GAD1: variants seen among roughly 807,000 people sequenced by gnomAD.
GAD1 encodes the protein glutamate decarboxylase 1.
In GAD1, 35 loss-of-function variants were observed where a neutral mutation model predicts 75.2. The observed-to-expected ratio is 0.47, with a 90% CI of 0.36 to 0.62. The LOEUF (loss-of-function observed/expected upper bound fraction) is 0.62, where lower values mean the gene tolerates loss of function less well. Among genes scored for constraint, GAD1 ranks in the 20% least tolerant of loss-of-function variants. The pLI, the probability that GAD1 is intolerant of heterozygous loss-of-function variation, is 0.00. For synonymous variants in GAD1, 257 were observed against 271.9 expected (o/e 0.95, Z 0.54); for missense variants, 490 against 758.5 (o/e 0.65, Z 4.16).
chr2:170,815,000 C>A (rs1273821081), upstream of GAD1, among the ~76,000 whole-genome samples: 4 of 152,128 alleles, frequency 2.6e-5, no homozygotes, highest in African/African-American at 7.2e-5. Flanking sequence ...GAACGAGGGG[C>A]ACCGGGAGAT....
At chr2:170,821,822 CG>C (rs1234307946) in intron 2 of GAD1, 40 of 513,704 alleles carry the variant, frequency 7.8e-5, no homozygotes, top group Non-Finnish European at 1.2e-4. Context: ...GGGTCGCTTA[CG>C]GGCCCGGAGG....
Position 170,818,272 on chromosome 2 carries a change from T to G in GAD1, c.-63-257T>G, listed in dbSNP as rs1575420648. On this transcript the variant is annotated intron_variant, in intron 1 of 16. Coordinates refer to ENST00000358196, the MANE Select transcript of GAD1 (RefSeq NM_000817.3). This position sits in a 1 kb window ranked among gnomAD's most constrained non-coding sequence, Gnocchi z 5.9. ...CCTCGTCTCGGCGCTTCACTCCAGG[T>G]CGCGCCGATGCACCGCCAGACTCGA... 3 of 246,508 alleles carry G rather than the reference T, an allele frequency of 1.2e-5. No individual in the cohort carries two copies. Among genetic ancestry groups the G allele is most frequent in the Non-Finnish European group, 2.3e-5 (3 of 127,764 alleles). The allele number at this position is 246,508 out of a possible 1,614,324, so 15.3% of individuals were successfully genotyped here.
At chr2:170,824,054 G>A (rs920822918) in intron 3 of GAD1, among the ~76,000 whole-genome samples, 1 of 152,066 alleles carries the variant, frequency 6.6e-6, no homozygotes, top group Non-Finnish European at 1.5e-5. Flanking sequence ...GGAAGCCGGA[G>A]TTGGCCTCCA....
At chr2:170,858,939 G>A (rs1188352076) in intron 16 of GAD1, 46 bp downstream of exon 16, 1 of 1,513,276 alleles carries the variant, frequency 6.6e-7, no homozygotes, top group Admixed American at 1.7e-5. Flanking sequence ...CAATTTCTCT[G>A]GCTGGTCAGG....
At chr2:170,820,520 C>G (rs556540255) in intron 2 of GAD1, among the ~76,000 whole-genome samples, 6 of 152,370 alleles carry the variant, frequency 3.9e-5, no homozygotes, top group African/African-American at 1.4e-4. Context: ...GCCCGCCCAG[C>G]TGGCTCCACT....
At chr2:170,820,025 A>G (rs1248429651) in intron 2 of GAD1, among the ~76,000 whole-genome samples, 3 of 152,206 alleles carry the variant, frequency 2.0e-5, no homozygotes, top group Non-Finnish European at 4.4e-5. Context: ...CAGCCCTGGT[A>G]GCATATGAAC....
chr2:170,848,640 T>C (rs1200324651), intron 11 of GAD1: 1 of 496,072 alleles, frequency 2.0e-6, no homozygotes, highest in African/African-American at 2.0e-5. Context: ...CATGTGTGAC[T>C]GGGTGTATTT....
At chr2:170,835,591 C>G (rs1702351278) in intron 5 of GAD1, among the ~76,000 whole-genome samples, 1 of 152,190 alleles carries the variant, frequency 6.6e-6, no homozygotes, top group South Asian at 2.1e-4. Context: ...CAAAGAGATA[C>G]TATTTCACTT....
chr2:170,848,059 G>C (rs1702671915), intron 11 of GAD1, among the ~76,000 whole-genome samples: 1 of 152,196 alleles, frequency 6.6e-6, no homozygotes, highest in Non-Finnish European at 1.5e-5. Context: ...TTCCCAGGTA[G>C]CTTTGTTGGG....
chr2:170,840,972 G>T (rs1399557121), intron 6 of GAD1, among the ~76,000 whole-genome samples: 1 of 152,152 alleles, frequency 6.6e-6, no homozygotes, highest in Non-Finnish European at 1.5e-5. Flanking sequence ...CTCCGGGAAG[G>T]TGAGTTGAAC....
intron 3 of GAD1, among the ~76,000 whole-genome samples, chr2:170,822,927 G>C (rs1450029231): frequency 1.3e-5 from 2 of 152,248 alleles, no homozygotes; most frequent in Non-Finnish European, 2.9e-5. Context: ...AGCTGGAGAG[G>C]AGAAAGAACT....
chr2:170,827,124 C>T (rs1702044222), intron 3 of GAD1, among the ~76,000 whole-genome samples: 1 of 152,148 alleles, frequency 6.6e-6, no homozygotes, highest in African/African-American at 2.4e-5. Flanking sequence ...CCCTTCTTCC[C>T]TCCAGAAATA....
chr2:170,832,651 TGCGC>T (rs764884035), intron 5 of GAD1, among the ~76,000 whole-genome samples: 51 of 136,836 alleles, frequency 3.7e-4, no homozygotes, highest in Non-Finnish European at 3.4e-4. Context: ...CAGGCACACA[TGCGC>T]GCGCGCGCGC....
intron 6 of GAD1, among the ~76,000 whole-genome samples, chr2:170,843,600 G>T (rs1450186450): frequency 6.8e-6 from 1 of 147,270 alleles, no homozygotes; most frequent in African/African-American, 2.5e-5. Context: ...TATTCTACAA[G>T]TGTGAAACTG....
At chr2:170,833,250 G>A (rs573335621) in intron 5 of GAD1, among the ~76,000 whole-genome samples, 1 of 152,346 alleles carries the variant, frequency 6.6e-6, no homozygotes, top group South Asian at 2.1e-4. Flanking sequence ...AATGATGCTG[G>A]CCAAAGATGC....
In GAD1 at chr2:170,818,492, G is replaced by A. The variant is rs1187652129; in HGVS notation, c.-63-37G>A. 1.8e-6 allele frequency: 2 copies of A among 1,119,030 alleles called. No individual in the cohort carries two copies. Among genetic ancestry groups the A allele is most frequent in the Non-Finnish European group, 2.7e-6 (2 of 729,742 alleles). The allele number at this position is 1,119,030 out of a possible 1,614,324, so 69.3% of individuals were successfully genotyped here. A position where few individuals can be genotyped will look rare whatever the true frequency, so the allele number is the denominator to read the frequency against. ...AGTCCCTCCGGTGTGCAGGACCCCG[G>A]AAGTCCTCCCCGCACAGCTCTCGCT... is the stretch of plus-strand genomic sequence containing the variant. On this transcript the variant is annotated intron_variant, in intron 1 of 16. Coordinates refer to ENST00000358196, the MANE Select transcript of GAD1 (RefSeq NM_000817.3). This position sits in a 1 kb window ranked among gnomAD's most constrained non-coding sequence, Gnocchi z 5.9.
At position 170,859,836 on chromosome 2, in the gene GAD1, T is replaced by C. The variant is rs1326032504; in HGVS notation, c.1739T>C (p.Ile580Thr). ...AACCCAGCCGCTACCCAGTCTGACATTGACTTCCTCATTGAGGAGATAGAA... is the reference window on the plus strand; with the variant it reads ...AACCCAGCCGCTACCCAGTCTGACACTGACTTCCTCATTGAGGAGATAGAA... ...ISNPAATQSD[I>T]DFLIEEIERL... is the part of the protein sequence containing the mutation. The change falls in exon 17 of 17, where the codon ATT becomes ACT. Residue 580 changes from isoleucine (I) to threonine (T), a missense_variant. Physicochemically the swap from Ile to Thr is moderately conservative, Grantham distance 89 (BLOSUM62 -1). This residue lies in a region of GAD1 where 324 missense variants were observed against 523.9 expected (regional missense o/e 0.62). Transcript: ENST00000358196. The C allele has an allele frequency of 6.8e-6, 11 of 1,614,174 alleles. No individual in the cohort carries two copies. Among genetic ancestry groups the C allele is most frequent in the South Asian group, 1.1e-5 (1 of 91,060 alleles).
chr2:170,818,677 G>C lies in GAD1; in HGVS notation c.82+4G>C, dbSNP rs756039216. The C allele has an allele frequency of 4.3e-6, 7 of 1,614,040 alleles. No homozygotes were observed. In the South Asian group the frequency reaches 6.6e-5, roughly 15 times the overall value. On this transcript the variant is annotated splice_donor_region_variant and intron_variant, in intron 2 of 16. Coordinates refer to ENST00000358196, the MANE Select transcript of GAD1 (RefSeq NM_000817.3). This position sits in a 1 kb window ranked among gnomAD's most constrained non-coding sequence, Gnocchi z 5.9. The stretch of plus-strand genomic sequence containing the variant: ...ACCACTAACCTGCGCCCCACAAGTA[G>C]GTCCCGCCCCAATTTTCTATCAAAT...
Position 170,818,236 on chromosome 2 carries a change from C to A in GAD1, c.-63-293C>A. 1.6e-5 allele frequency: 5 copies of A among 317,024 alleles called. No homozygotes were observed. Among genetic ancestry groups the A allele is most frequent in the South Asian group, 5.7e-5 (2 of 34,862 alleles). The allele number at this position is 317,024 out of a possible 1,614,324, so 19.6% of individuals were successfully genotyped here. On this transcript the variant is annotated intron_variant, in intron 1 of 16. Transcript: ENST00000358196. This position sits in a 1 kb window ranked among gnomAD's most constrained non-coding sequence, Gnocchi z 5.9. ...TACTGGCCTTGGACCCCCACCCCGA[C>A]CCCGACCCCGCCTCGTCTCGGCGCT...
Sources: allele counts gnomAD v4.1 joint callset (sites outside exome capture counted in the v4.1 genomes callset), GRCh38; gene constraint gnomAD v4.1.1; regional missense constraint gnomAD v4.1.1; non-coding constraint Gnocchi (gnomAD v3.1); transcripts MANE v1.5; gene names NCBI Gene and HGNC (gene_info 2026-07-23, HGNC 2026-07-21).